The following FOXN3 variants were observed in gnomAD, a reference collection of about 807,000 sequenced individuals.
The protein encoded by FOXN3 is forkhead box N3.
In FOXN3, 7 loss-of-function variants were observed where a neutral mutation model predicts 38.4. The observed-to-expected ratio is 0.18, with a 90% confidence interval of 0.10 to 0.34. The LOEUF is 0.34. Ranked by LOEUF, FOXN3 falls within the 10% of genes least tolerant of loss-of-function variation. The pLI, the probability that FOXN3 is intolerant of heterozygous loss-of-function variation, is 1.00. For missense variants in FOXN3, 456 were observed against 613.4 expected (o/e 0.74, Z 2.71); for synonymous variants, 230 against 242.2 (o/e 0.95, Z 0.47).
intron 4 of FOXN3, among the ~76,000 whole-genome samples, chr14:89,231,764 T>C (rs1251344004): frequency 6.6e-6 from 1 of 152,152 alleles, no homozygotes; most frequent in Non-Finnish European, 1.5e-5. Flanking sequence ...GCGGTGCCTC[T>C]ATGCTGGGGC....
chr14:89,355,590 G>A (rs533171025), intron 2 of FOXN3, among the ~76,000 whole-genome samples: 1 of 152,296 alleles, frequency 6.6e-6, no homozygotes, highest in Admixed American at 6.5e-5. Context: ...CATGGGTCAT[G>A]AAATGAACGG....
intron 1 of FOXN3, among the ~76,000 whole-genome samples, chr14:89,522,676 C>G (rs1381465730): frequency 6.6e-6 from 1 of 151,446 alleles, no homozygotes; most frequent in Admixed American, 6.6e-5. Context: ...GTAGACAGTA[C>G]TAAGCTGAAG....
intron 1 of FOXN3, among the ~76,000 whole-genome samples, chr14:89,435,541 C>T (rs1016398577): frequency 1.3e-5 from 2 of 152,268 alleles, no homozygotes; most frequent in Middle Eastern, 3.4e-3. Flanking sequence ...GACTGTGGTA[C>T]GACAGCCAAA....
In FOXN3 at chr14:89,533,302, A is replaced by C. The variant is rs1344166359; in HGVS notation, c.-15+85726T>G. Among the ~76,000 whole-genome samples the C allele has an allele frequency of 2.0e-5, 3 of 152,154 alleles. No individual in the cohort carries two copies. In the East Asian group the frequency reaches 5.8e-4, roughly 29 times the overall value. ...GAATGCCAGCTGATGACACTCATGA[A>C]CTGCCCTGCCTCTCAAAAGCGCAAT... On this transcript the variant is annotated intron_variant, in intron 1 of 6. Coordinates refer to the FOXN3 transcript ENST00000345097.
At chr14:89,227,783 C>T (rs947185558) in intron 4 of FOXN3, among the ~76,000 whole-genome samples, 54 of 152,296 alleles carry the variant, frequency 3.5e-4, no homozygotes, top group African/African-American at 1.2e-3. Flanking sequence ...TTGAAGGAAT[C>T]GGAGGGCTGG....
At chr14:89,256,254 C>G (rs141911798) in intron 4 of FOXN3, among the ~76,000 whole-genome samples, 8 of 152,278 alleles carry the variant, frequency 5.3e-5, no homozygotes, top group African/African-American at 1.9e-4. Context: ...GCTTCAAACT[C>G]TCTCATATGA....
At chr14:89,343,612 C>T (rs1888677927) in intron 3 of FOXN3, among the ~76,000 whole-genome samples, 1 of 145,148 alleles carries the variant, frequency 6.9e-6, no homozygotes, top group Admixed American at 7.2e-5. Context: ...TTTGGAGAGG[C>T]CATTAATGTG....
chr14:89,310,968 T>G (rs1887521794), intron 3 of FOXN3, among the ~76,000 whole-genome samples: 1 of 151,650 alleles, frequency 6.6e-6, no homozygotes, highest in African/African-American at 2.4e-5. Flanking sequence ...TAGCCGGGCG[T>G]GGCAGAGCAC....
At chr14:89,335,742 T>C (rs972966601) in intron 3 of FOXN3, among the ~76,000 whole-genome samples, 7 of 152,204 alleles carry the variant, frequency 4.6e-5, no homozygotes, top group East Asian at 1.9e-4. Flanking sequence ...AGGACGGTGG[T>C]TAGAGAGATT....
intron 1 of FOXN3, among the ~76,000 whole-genome samples, chr14:89,506,516 C>A (rs1893942855): frequency 6.7e-6 from 1 of 149,558 alleles, no homozygotes; most frequent in Admixed American, 6.6e-5. Flanking sequence ...GGGTCAGCCC[C>A]CCGCCTGGCC....
intron 2 of FOXN3, among the ~76,000 whole-genome samples, chr14:89,367,778 G>A (rs1214794884): frequency 6.6e-6 from 1 of 152,194 alleles, no homozygotes; most frequent in Non-Finnish European, 1.5e-5. Context: ...ACTGATGCCT[G>A]AGCTATCTGT....
intron 1 of FOXN3, among the ~76,000 whole-genome samples, chr14:89,513,150 G>GAAAA (rs36003791): frequency 3.9e-5 from 4 of 102,076 alleles, no homozygotes; most frequent in East Asian, 3.0e-4. Flanking sequence ...TCCATCTCAG[G>GAAAA]AAAAAAAAAA....
intron 1 of FOXN3, among the ~76,000 whole-genome samples, chr14:89,431,439 G>A (rs1055780042): frequency 1.3e-5 from 2 of 152,032 alleles, no homozygotes; most frequent in African/African-American, 4.8e-5. Context: ...TTGAACTCCT[G>A]ACCTCAGGTG....
At chr14:89,468,741 C>T (rs960641033) in intron 1 of FOXN3, among the ~76,000 whole-genome samples, 2 of 152,138 alleles carry the variant, frequency 1.3e-5, no homozygotes, top group African/African-American at 4.8e-5. Flanking sequence ...ATCATTTGGG[C>T]TTTGAACCAG....
chr14:89,531,135 T>C (rs1379092431), intron 1 of FOXN3, among the ~76,000 whole-genome samples: 2 of 149,248 alleles, frequency 1.3e-5, no homozygotes, highest in African/African-American at 2.5e-5. Context: ...TATATACACA[T>C]ATATGTATTA....
intron 2 of FOXN3, among the ~76,000 whole-genome samples, chr14:89,405,538 C>T (rs1229565082): frequency 2.6e-5 from 4 of 152,190 alleles, no homozygotes; most frequent in South Asian, 2.1e-4. Flanking sequence ...ACAGTGTACA[C>T]GCAGGGAGAA....
At chr14:89,193,172 A>G (rs1285188347) in intron 4 of FOXN3, among the ~76,000 whole-genome samples, 1 of 151,780 alleles carries the variant, frequency 6.6e-6, no homozygotes, top group Non-Finnish European at 1.5e-5. Flanking sequence ...GCCTGGCTAC[A>G]TGGTCCCTGC....
At chr14:89,441,462 G>A (rs1477739623) in intron 1 of FOXN3, among the ~76,000 whole-genome samples, 2 of 152,206 alleles carry the variant, frequency 1.3e-5, no homozygotes, top group African/African-American at 4.8e-5. Context: ...GGGGCAAGAG[G>A]AACACAGGGA....
At chr14:89,431,555 C>A (rs1892157740) in intron 1 of FOXN3, among the ~76,000 whole-genome samples, 1 of 152,128 alleles carries the variant, frequency 6.6e-6, no homozygotes, top group Non-Finnish European at 1.5e-5. Context: ...AAAAGCCATT[C>A]TTTTGACCCT....
Sources: gnomAD v4.1 joint callset for allele counts (sites outside exome capture counted in the v4.1 genomes callset) on GRCh38, gnomAD v4.1.1 for gene constraint, MANE v1.5 for transcripts, NCBI Gene and HGNC (gene_info 2026-07-23, HGNC 2026-07-21) for gene names.